The following DIAPH3 variants were observed in gnomAD, a reference collection of about 807,000 sequenced individuals.
The protein encoded by DIAPH3 is protein diaphanous homolog 3.
Under a neutral mutation model 144.3 loss-of-function variants are expected in DIAPH3, and 117 were observed. The ratio of observed to expected loss-of-function variants is 0.81; its 90% CI spans 0.70 to 0.95. DIAPH3 has a LOEUF of 0.95. Ranked by LOEUF, DIAPH3 falls within the 40% of genes least tolerant of loss-of-function variation. The pLI, the probability that DIAPH3 is intolerant of heterozygous loss-of-function variation, is 0.00. For missense variants in DIAPH3, 1,421 were observed against 1,412.7 expected (o/e 1.01, Z -0.09); for synonymous variants, 519 against 488.9 (o/e 1.06, Z -0.81).
intron 20 of DIAPH3, among the ~76,000 whole-genome samples, chr13:59,882,627 A>C (rs193015523): frequency 4.1e-4 from 63 of 152,168 alleles, no homozygotes; most frequent in African/African-American, 1.5e-3. Flanking sequence ...TGCTCAAATA[A>C]TACTCTGAAT....
chr13:59,708,927 T>C (rs2034575698), intron 27 of DIAPH3, among the ~76,000 whole-genome samples: 1 of 152,148 alleles, frequency 6.6e-6, no homozygotes, highest in African/African-American at 2.4e-5. Context: ...TTTATTCCCA[T>C]GTATAATTTT....
At chr13:59,966,726 G>T (rs894801932) in intron 17 of DIAPH3, among the ~76,000 whole-genome samples, 6 of 152,152 alleles carry the variant, frequency 3.9e-5, no homozygotes, top group Admixed American at 3.9e-4. Context: ...TACCCAATTT[G>T]AATGCTTGGG....
At chr13:59,751,313 T>C (rs939688576) in intron 27 of DIAPH3, among the ~76,000 whole-genome samples, 2 of 152,250 alleles carry the variant, frequency 1.3e-5, no homozygotes, top group Non-Finnish European at 1.5e-5. Flanking sequence ...CCATCATCTT[T>C]AAGTTTAATT....
intron 12 of DIAPH3, 133 bp downstream of exon 12, chr13:59,991,025 C>A: frequency 1.6e-6 from 1 of 625,240 alleles, no homozygotes; most frequent in Non-Finnish European, 2.8e-6. Context: ...CCAGAGAAAA[C>A]AACACATTCT....
intron 24 of DIAPH3, among the ~76,000 whole-genome samples, chr13:59,828,947 A>G (rs1395698030): frequency 1.3e-5 from 2 of 151,948 alleles, no homozygotes; most frequent in African/African-American, 4.8e-5. Flanking sequence ...GTCAAAATAA[A>G]CAGCTGTTCC....
At chr13:60,134,582 G>A (rs776432662) in intron 1 of DIAPH3, among the ~76,000 whole-genome samples, 1 of 152,190 alleles carries the variant, frequency 6.6e-6, no homozygotes, top group African/African-American at 2.4e-5. Context: ...CCTGCCAGTA[G>A]AGGCTTCCAG....
intron 22 of DIAPH3, among the ~76,000 whole-genome samples, chr13:59,842,790 T>A (rs1175931872): frequency 2.0e-5 from 3 of 152,066 alleles, no homozygotes; most frequent in African/African-American, 7.2e-5. Flanking sequence ...ACACAACCCA[T>A]GAACAACCAA....
chr13:59,800,157 G>A (rs2039831312), intron 25 of DIAPH3, among the ~76,000 whole-genome samples: 1 of 152,100 alleles, frequency 6.6e-6, no homozygotes, highest in Non-Finnish European at 1.5e-5. Context: ...CCCCCATATA[G>A]AAACCCTCAT....
Position 59,818,691 on chromosome 13 carries a change from G to C in DIAPH3, c.3028-7768C>G, listed in dbSNP as rs115706397. Among the ~76,000 whole-genome samples the C allele has an allele frequency of 3.0e-3, 462 of 151,840 alleles. 3 individuals are homozygous for C. Among genetic ancestry groups the C allele is most frequent in the African/African-American group, 0.01 (422 of 41,462 alleles). Reference sequence around the variant, plus strand: ...TACAAGTGGTAGGCCTTGTCATCCTGTTCTCCATGTTTCTTAAGAAGTATT... The same window carrying C: ...TACAAGTGGTAGGCCTTGTCATCCTCTTCTCCATGTTTCTTAAGAAGTATT... On this transcript the variant is annotated intron_variant, in intron 24 of 27. Transcript: ENST00000400324.
chr13:59,927,362 A>T (rs73196179), intron 17 of DIAPH3, among the ~76,000 whole-genome samples: 10,531 of 152,058 alleles, frequency 0.069, 407 homozygotes, highest in Admixed American at 0.11. Context: ...CATTTTGTTG[A>T]TCATTTTCTA....
intron 1 of DIAPH3, among the ~76,000 whole-genome samples, chr13:60,142,603 G>A (rs932167841): frequency 7.2e-5 from 11 of 152,024 alleles, no homozygotes; most frequent in Non-Finnish European, 1.5e-4. Context: ...ACACGTGTGC[G>A]AGTCCCAGCA....
intron 22 of DIAPH3, among the ~76,000 whole-genome samples, chr13:59,851,637 T>C (rs1236544495): frequency 1.9e-5 from 1 of 53,434 alleles, no homozygotes; most frequent in African/African-American, 4.5e-5. Flanking sequence ...AGATGAATCT[T>C]TTTTTTTTTT....
chr13:59,851,910 G>A (rs117689149), intron 22 of DIAPH3, among the ~76,000 whole-genome samples: 7 of 152,130 alleles, frequency 4.6e-5, no homozygotes, highest in East Asian at 1.9e-4. Context: ...GAGCCATGGC[G>A]CCCAGCCAAA....
intron 27 of DIAPH3, among the ~76,000 whole-genome samples, chr13:59,670,703 C>T (rs1488367923): frequency 6.6e-6 from 1 of 152,088 alleles, no homozygotes; most frequent in Admixed American, 6.5e-5. Flanking sequence ...TTCCCTCAGC[C>T]TCCCGAGTAG....
At chr13:60,015,780 T>C (rs2053602181) in intron 7 of DIAPH3, 133 bp downstream of exon 7, 4 of 813,010 alleles carry the variant, frequency 4.9e-6, no homozygotes, top group Non-Finnish European at 8.2e-6. Context: ...GAAACTAGAA[T>C]TCAATAAAAT....
intron 4 of DIAPH3, among the ~76,000 whole-genome samples, chr13:60,056,484 T>C (rs2056563996): frequency 6.6e-6 from 1 of 151,850 alleles, no homozygotes; most frequent in Admixed American, 6.6e-5. Flanking sequence ...CACCCATATG[T>C]ACTTGTGTAT....
chr13:60,109,671 C>A (rs1379109524), intron 3 of DIAPH3, among the ~76,000 whole-genome samples: 1 of 152,030 alleles, frequency 6.6e-6, no homozygotes, highest in Non-Finnish European at 1.5e-5. Flanking sequence ...GGACTTTTAA[C>A]CAGGATCAGA....
intron 22 of DIAPH3, among the ~76,000 whole-genome samples, chr13:59,841,596 T>G (rs979454450): frequency 6.6e-6 from 1 of 152,116 alleles, no homozygotes; most frequent in Non-Finnish European, 1.5e-5. Flanking sequence ...CCTGTCTCTT[T>G]TATTAAGTAA....
At chr13:59,697,390 G>A (rs937993030) in intron 27 of DIAPH3, among the ~76,000 whole-genome samples, 1 of 145,016 alleles carries the variant, frequency 6.9e-6, no homozygotes, top group Non-Finnish European at 1.5e-5. Flanking sequence ...AACTCGGGAG[G>A]CGGAGCTTGC....
Sources: gnomAD v4.1 joint callset for allele counts (sites outside exome capture counted in the v4.1 genomes callset) on GRCh38, gnomAD v4.1.1 for gene constraint, MANE v1.5 for transcripts, NCBI Gene and HGNC (gene_info 2026-07-23, HGNC 2026-07-21) for gene names.